The following PTPRD variants were observed in gnomAD, a reference collection of about 807,000 sequenced individuals.
The protein encoded by PTPRD is receptor-type tyrosine-protein phosphatase delta.
A neutral mutation model predicts 214.5 loss-of-function variants in PTPRD; 34 were observed. The ratio of observed to expected loss-of-function variants is 0.16; its 90% CI spans 0.12 to 0.21. The LOEUF is 0.21. PTPRD is among the 10% of genes least tolerant of loss of function. The pLI is 1.00. For synonymous variants in PTPRD, 1,128 were observed against 845.7 expected (o/e 1.33, Z -5.79); for missense variants, 2,545 against 2,398.7 (o/e 1.06, Z -1.27).
intron 5 of PTPRD, among the ~76,000 whole-genome samples, chr9:9,802,487 A>G (rs2099047352): frequency 1.3e-5 from 2 of 151,754 alleles, no homozygotes; most frequent in South Asian, 4.1e-4. Context: ...TCAAAATATG[A>G]AATATCTTGT....
At chr9:10,516,046 A>G (rs920541590) in intron 2 of PTPRD, among the ~76,000 whole-genome samples, 2 of 151,952 alleles carry the variant, frequency 1.3e-5, no homozygotes, top group African/African-American at 2.4e-5. Context: ...GGTAGTGCTA[A>G]TATCTTTTTT....
chr9:9,360,806 C>G (rs890709795), intron 9 of PTPRD, among the ~76,000 whole-genome samples: 1 of 150,684 alleles, frequency 6.6e-6, no homozygotes, highest in African/African-American at 2.4e-5. Context: ...AAAAGATTTC[C>G]AAGTGTATTA....
chr9:10,522,610 A>C (rs867287240), intron 2 of PTPRD, among the ~76,000 whole-genome samples: 1 of 152,234 alleles, frequency 6.6e-6, no homozygotes, highest in South Asian at 2.1e-4. Context: ...AGAGAAGCTT[A>C]TAACTCTGAA....
chr9:10,590,367 A>G (rs1322289), intron 2 of PTPRD, among the ~76,000 whole-genome samples: 103,947 of 151,828 alleles, frequency 0.68, 35,872 homozygotes, highest in East Asian at 0.89. Flanking sequence ...CCTATTTTAA[A>G]TGAGCAGTTT....
intron 9 of PTPRD, among the ~76,000 whole-genome samples, chr9:9,213,109 A>C (rs528070883): frequency 6.6e-6 from 1 of 152,308 alleles, no homozygotes; most frequent in African/African-American, 2.4e-5. Flanking sequence ...ATAGGCTCTT[A>C]TGTGAAAGTT....
At chr9:9,528,174 C>G (rs2074585429) in intron 8 of PTPRD, among the ~76,000 whole-genome samples, 1 of 152,108 alleles carries the variant, frequency 6.6e-6, no homozygotes, top group South Asian at 2.1e-4. Flanking sequence ...AGAGATAATT[C>G]TGTAGATCTT....
chr9:8,586,960 A>C (rs1198674556), intron 14 of PTPRD, among the ~76,000 whole-genome samples: 1 of 152,146 alleles, frequency 6.6e-6, no homozygotes, highest in Non-Finnish European at 1.5e-5. Flanking sequence ...ATCCTGACTA[A>C]CACGGTGAAA....
intron 2 of PTPRD, among the ~76,000 whole-genome samples, chr9:10,579,305 T>C (rs908498310): frequency 1.3e-5 from 2 of 152,146 alleles, no homozygotes; most frequent in Admixed American, 6.6e-5. Flanking sequence ...GTGTCTATTG[T>C]TCCCATCTTT....
At chr9:10,155,125 G>A (rs765642934) in intron 3 of PTPRD, among the ~76,000 whole-genome samples, 26 of 151,952 alleles carry the variant, frequency 1.7e-4, no homozygotes, top group Non-Finnish European at 3.2e-4. Context: ...ATTTCTTTGA[G>A]CAGTGTTTTA....
chr9:9,306,279 C>T (rs1957087571), intron 9 of PTPRD, among the ~76,000 whole-genome samples: 2 of 151,860 alleles, frequency 1.3e-5, no homozygotes, highest in Admixed American at 6.6e-5. Flanking sequence ...GACATGTTTT[C>T]TCGGCTGGGC....
At chr9:9,321,547 C>G (rs1274790278) in intron 9 of PTPRD, among the ~76,000 whole-genome samples, 1 of 95,394 alleles carries the variant, frequency 1.0e-5, no homozygotes, top group Non-Finnish European at 2.0e-5. Flanking sequence ...AAGAGCAAAA[C>G]TCCACTGAGA....
Position 8,341,298 on chromosome 9 carries a change from A to C in PTPRD, c.4948-30T>G, listed in dbSNP as rs754407720. 8 of 1,551,916 alleles carry C rather than the reference A, an allele frequency of 5.2e-6. No individual in the cohort carries two copies. In the East Asian group the frequency reaches 9.0e-5, roughly 18 times the overall value. On this transcript the variant is annotated intron_variant, in intron 40 of 45. Transcript: ENST00000381196. ...TGAATAGGAAAAAAAAAAAAGGAAA[A>C]ACCCAACAAAGATCATTTTCACCTA...
At chr9:10,181,861 C>CA (rs1320701773) in intron 3 of PTPRD, among the ~76,000 whole-genome samples, 9 of 112,420 alleles carry the variant, frequency 8.0e-5, no homozygotes, top group Admixed American at 3.1e-4. Context: ...ACATTGACAA[C>CA]AAAAAAAATA....
intron 9 of PTPRD, among the ~76,000 whole-genome samples, chr9:9,298,674 A>G (rs1195494674): frequency 6.6e-6 from 1 of 151,784 alleles, no homozygotes; most frequent in Non-Finnish European, 1.5e-5. Context: ...GGATTATTGA[A>G]GGGAAGACAA....
intron 8 of PTPRD, among the ~76,000 whole-genome samples, chr9:9,525,268 T>G (rs1569569006): frequency 6.6e-6 from 1 of 152,160 alleles, no homozygotes; most frequent in Non-Finnish European, 1.5e-5. Context: ...ATTTCTGCCC[T>G]TTTTCTCTCT....
intron 2 of PTPRD, among the ~76,000 whole-genome samples, chr9:10,522,281 G>A (rs112372569): frequency 3.3e-5 from 5 of 152,242 alleles, no homozygotes; most frequent in African/African-American, 9.6e-5. Context: ...ACTTGGGGCA[G>A]TAAAATATGA....
At chr9:8,761,764 AAG>A (rs1347675876) in intron 11 of PTPRD, among the ~76,000 whole-genome samples, 1 of 152,328 alleles carries the variant, frequency 6.6e-6, no homozygotes, top group East Asian at 1.9e-4. Context: ...GAAAATGGGA[AAG>A]AGATGAATCC....
chr9:9,724,552 G>A (rs2098040433), intron 7 of PTPRD, among the ~76,000 whole-genome samples: 1 of 152,150 alleles, frequency 6.6e-6, no homozygotes, highest in Non-Finnish European at 1.5e-5. Context: ...ATATTCAACT[G>A]TGAGGTCTTT....
At chr9:9,312,134 G>C (rs1175096294) in intron 9 of PTPRD, among the ~76,000 whole-genome samples, 2 of 152,070 alleles carry the variant, frequency 1.3e-5, no homozygotes, top group Non-Finnish European at 2.9e-5. Context: ...CTTGATTTCA[G>C]CAAATCAAAA....
Sources: gnomAD v4.1 joint callset for allele counts (sites outside exome capture counted in the v4.1 genomes callset) on GRCh38, gnomAD v4.1.1 for gene constraint, MANE v1.5 for transcripts, NCBI Gene and HGNC (gene_info 2026-07-23, HGNC 2026-07-21) for gene names.